The following SPP2 variants were observed in gnomAD, a reference collection of about 807,000 sequenced individuals.
SPP2 encodes the protein secreted phosphoprotein 24.
Under a neutral mutation model 28.8 loss-of-function variants are expected in SPP2, and 34 were observed. The observed-to-expected ratio is 1.18, with a 90% CI of 0.90 to 1.57. SPP2 has a LOEUF of 1.57. SPP2 is among the 40% of genes most tolerant of loss of function. The pLI is 0.00. For synonymous variants in SPP2, 96 were observed against 89.4 expected (o/e 1.07, Z -0.42); for missense variants, 269 against 263.9 (o/e 1.02, Z -0.13).
chr2:234,066,137 G>T (rs1432159102), intron 4 of SPP2, among the ~76,000 whole-genome samples: 1 of 152,180 alleles, frequency 6.6e-6, no homozygotes, highest in Non-Finnish European at 1.5e-5. Context: ...GTGGTTTCAT[G>T]AAAACTTCTT....
At chr2:234,051,140 T>C (rs1693488948) in intron 2 of SPP2, 45 bp downstream of exon 2, 1 of 1,599,408 alleles carries the variant, frequency 6.3e-7, no homozygotes, top group Non-Finnish European at 8.6e-7. Context: ...TCCAATGCTG[T>C]CTGCCTTTTG....
chr2:234,053,276 C>A (rs190406659), intron 2 of SPP2, among the ~76,000 whole-genome samples: 1 of 152,090 alleles, frequency 6.6e-6, no homozygotes, highest in Non-Finnish European at 1.5e-5. Context: ...GCATGTTAAA[C>A]GTTAAATTAG....
Position 234,050,851 on chromosome 2 carries a change from T to C in SPP2, c.65T>C (p.Met22Thr). 1 of 1,614,074 alleles carries C rather than the reference T, an allele frequency of 6.2e-7. No homozygotes were observed. Among genetic ancestry groups the C allele is most frequent in the African/African-American group, 1.3e-5 (1 of 75,036 alleles). The stretch of plus-strand genomic sequence containing the variant: ...ATATTGATTATGTTTGCTCTTGGAA[T>C]GAACTACTGGTCTTGCTCAGGTAAG... ...MKILIMFALG[M>T]NYWSCSGFPV... is the part of the protein sequence containing the mutation. The change falls in exon 1 of 8, where the codon ATG becomes ACG. Residue 22 changes from methionine (M) to threonine (T), a missense_variant. By Grantham distance (81) the Met-to-Thr change is moderately conservative. Coordinates refer to ENST00000168148, the MANE Select transcript of SPP2 (RefSeq NM_006944.3).
chr2:234,067,402 G>A (rs1331046265), intron 6 of SPP2, 128 bp downstream of exon 6: 1 of 900,304 alleles, frequency 1.1e-6, no homozygotes, highest in Non-Finnish European at 1.7e-6. Context: ...AATATTTTAA[G>A]TAAAAAAGGA....
chr2:234,074,444 T>A (rs1410646891), intron 7 of SPP2, among the ~76,000 whole-genome samples: 1 of 152,214 alleles, frequency 6.6e-6, no homozygotes, highest in African/African-American at 2.4e-5. Context: ...CTTCTTGTCA[T>A]GGTCTCCCTT....
intron 2 of SPP2, among the ~76,000 whole-genome samples, chr2:234,053,774 T>A (rs769974377): frequency 6.6e-6 from 1 of 152,070 alleles, no homozygotes; most frequent in Non-Finnish European, 1.5e-5. Flanking sequence ...CTTGGACTAT[T>A]CCCTCAGTGG....
intron 2 of SPP2, among the ~76,000 whole-genome samples, chr2:234,054,845 C>T (rs905291649): frequency 1.3e-4 from 20 of 151,980 alleles, no homozygotes; most frequent in African/African-American, 4.8e-4. Flanking sequence ...AGGGAGGATG[C>T]GGGGAGCAGA....
At chr2:234,061,175 T>G (rs1693712701) in intron 4 of SPP2, among the ~76,000 whole-genome samples, 1 of 152,202 alleles carries the variant, frequency 6.6e-6, no homozygotes, top group Non-Finnish European at 1.5e-5. Flanking sequence ...ACTGTAATAT[T>G]AATAATATAT....
At chr2:234,060,593 C>T (rs768695564) in intron 4 of SPP2, 114 bp downstream of exon 4, 17 of 765,094 alleles carry the variant, frequency 2.2e-5, no homozygotes, top group East Asian at 2.8e-5. Flanking sequence ...TTGGGGATGC[C>T]GAACTCTGCT....
At chr2:234,054,718 G>A (rs759266940) in intron 2 of SPP2, among the ~76,000 whole-genome samples, 1 of 152,122 alleles carries the variant, frequency 6.6e-6, no homozygotes, top group African/African-American at 2.4e-5. Flanking sequence ...TTCACTATAC[G>A]GATTGGGGCA....
At chr2:234,073,050 G>T (rs748211362) in intron 7 of SPP2, among the ~76,000 whole-genome samples, 4 of 152,084 alleles carry the variant, frequency 2.6e-5, no homozygotes, top group Non-Finnish European at 5.9e-5. Context: ...ACCACGCCCA[G>T]CTAATTTTTG....
chr2:234,068,141 C>T (rs1288575930), intron 6 of SPP2, among the ~76,000 whole-genome samples: 1 of 152,130 alleles, frequency 6.6e-6, no homozygotes, highest in Non-Finnish European at 1.5e-5. Context: ...CCCTGTCAAC[C>T]ACGTGTGTTA....
chr2:234,054,293 G>A (rs758928924), intron 2 of SPP2, among the ~76,000 whole-genome samples: 1 of 152,222 alleles, frequency 6.6e-6, no homozygotes, highest in African/African-American at 2.4e-5. Flanking sequence ...AGTGGGACAT[G>A]CCTAGGTCAT....
intron 7 of SPP2, among the ~76,000 whole-genome samples, chr2:234,072,261 A>C (rs1370931065): frequency 2.0e-5 from 3 of 152,234 alleles, no homozygotes; most frequent in Non-Finnish European, 4.4e-5. Context: ...TGAAAGACAC[A>C]AATGGTAGCT....
chr2:234,064,463 G>C (rs960387213), intron 4 of SPP2, among the ~76,000 whole-genome samples: 7 of 151,734 alleles, frequency 4.6e-5, no homozygotes, highest in African/African-American at 1.7e-4. Flanking sequence ...CCCTCTTTTT[G>C]TTCTTTTATA....
chr2:234,055,124 T>C lies in SPP2; in HGVS notation c.211-3712T>C, dbSNP rs563951106. Among the ~76,000 whole-genome samples the C allele has an allele frequency of 3.4e-5, 5 of 147,844 alleles. No homozygotes were observed. The East Asian group carries it at 1.0e-3, about 30-fold the overall frequency. On this transcript the variant is annotated intron_variant, in intron 2 of 7. Transcript: ENST00000168148. ...AATATGACATGCATACATATATAAA[T>C]GGATGCATATGAATATATGAGAGAG... is the stretch of plus-strand genomic sequence containing the variant.
chr2:234,076,657 T>C (rs147690344), intron 7 of SPP2, among the ~76,000 whole-genome samples, 188 bp from the exon 8 acceptor site: 86 of 152,232 alleles, frequency 5.6e-4, no homozygotes, highest in African/African-American at 1.9e-3. Context: ...ACTCTTTTGC[T>C]TTTGCTTGGT....
chr2:234,056,163 A>G (rs906969775), intron 2 of SPP2: 20 of 152,110 alleles, frequency 1.3e-4, no homozygotes, highest in African/African-American at 4.6e-4. Flanking sequence ...TTTGCAATCT[A>G]CTCATCTGAC....
chr2:234,067,265 C>A lies in SPP2; in HGVS notation c.541C>A (p.Arg181=), dbSNP rs375462993. The A allele has an allele frequency of 1.2e-6, 2 of 1,613,986 alleles. No individual in the cohort carries two copies. Among genetic ancestry groups the A allele is most frequent in the Non-Finnish European group, 8.5e-7 (1 of 1,179,934 alleles). ...GTCCATAAGTGAACAATTTTATGATCGGTCACTTGGTAAGTGATTTCTTTC... is the reference window on the plus strand; with the variant it reads ...GTCCATAAGTGAACAATTTTATGATAGGTCACTTGGTAAGTGATTTCTTTC... ...DESISEQFYD[R]SLGIMRRVLP... is the part of the protein sequence containing the mutation. Residue 181 remains arginine, a synonymous_variant, in exon 6 of 8, where the codon CGG becomes AGG. Transcript: ENST00000168148.
Sources: allele counts gnomAD v4.1 joint callset (sites outside exome capture counted in the v4.1 genomes callset), GRCh38; gene constraint gnomAD v4.1.1; transcripts MANE v1.5; gene names NCBI Gene and HGNC (gene_info 2026-07-23, HGNC 2026-07-21).